Variants in DOCK4 observed in about 807,000 individuals in gnomAD.
The protein encoded by DOCK4 is dedicator of cytokinesis 4.
DOCK4 carries 97 observed loss-of-function variants against 268.1 expected under a neutral mutation model. The ratio of observed to expected loss-of-function variants is 0.36; its 90% CI spans 0.31 to 0.43. The LOEUF (loss-of-function observed/expected upper bound fraction) is 0.43. Among genes scored for constraint, DOCK4 ranks in the 20% least tolerant of loss-of-function variants. The pLI is 1.00. For missense variants in DOCK4, 2,145 were observed against 2,455.7 expected (o/e 0.87, Z 2.67); for synonymous variants, 954 against 887.2 (o/e 1.08, Z -1.34).
At chr7:112,001,417 C>T (rs867548364) in intron 2 of DOCK4, among the ~76,000 whole-genome samples, 8 of 152,214 alleles carry the variant, frequency 5.3e-5, no homozygotes, top group African/African-American at 1.7e-4. Flanking sequence ...TGCTACCCAC[C>T]CATTAGTTAT....
chr7:112,180,341 C>T (rs1184554345), intron 1 of DOCK4, among the ~76,000 whole-genome samples: 2 of 152,158 alleles, frequency 1.3e-5, no homozygotes, highest in African/African-American at 4.8e-5. Context: ...AAGCACAGTG[C>T]TCCTTTACAT....
chr7:111,954,896 G>A lies in DOCK4; in HGVS notation c.702-9098C>T, dbSNP rs544905142. On this transcript the variant is annotated intron_variant, in intron 8 of 52. Coordinates refer to ENST00000428084, the MANE Select transcript of DOCK4 (RefSeq NM_001363540.2). ...CCTGATTGTGTACAATATTCTCCTGGTGAGCTGTATAAAGCCCAGGCCCCA... is the reference window on the plus strand; with the variant it reads ...CCTGATTGTGTACAATATTCTCCTGATGAGCTGTATAAAGCCCAGGCCCCA... 4.7e-5 allele frequency among the ~76,000 whole-genome samples: 7 copies of A among 149,908 alleles called. No homozygotes were observed. The East Asian group carries it at 9.7e-4, about 21-fold the overall frequency.
Position 112,143,827 on chromosome 7 carries a change from C to G in DOCK4, c.37+62275G>C, listed in dbSNP as rs536892717. Among the ~76,000 whole-genome samples the G allele has an allele frequency of 3.9e-5, 6 of 152,362 alleles. 1 individual carries two copies. The South Asian group carries it at 1.2e-3, about 32-fold the overall frequency. ...TCTGAACCACATCATTCATCTCCTC[C>G]TCTTTCCCTTTAGACTTACACATTC... On this transcript the variant is annotated intron_variant, in intron 1 of 52. Transcript: ENST00000428084.
At chr7:111,964,190 A>G (rs1221120935) in intron 8 of DOCK4, among the ~76,000 whole-genome samples, 6 of 139,124 alleles carry the variant, frequency 4.3e-5, no homozygotes, top group African/African-American at 1.2e-4. Context: ...CACCAGCAAC[A>G]GAACAAAGCT....
chr7:111,862,788 G>A (rs751811070), intron 23 of DOCK4: 1 of 152,942 alleles, frequency 6.5e-6, no homozygotes, highest in Non-Finnish European at 1.5e-5. Flanking sequence ...CACCGTGCCT[G>A]TCAGGGAAAA....
rs1797862379 is a variant in DOCK4 at position 111,973,156 on chromosome 7, C to CATATATATATATGT, written c.701+3975_701+3976insACATATATATATAT. Among the ~76,000 whole-genome samples the CATATATATATATGT allele has an allele frequency of 3.5e-5, 4 of 114,050 alleles. No individual in the cohort carries two copies. In the Admixed American group the frequency reaches 3.6e-4, roughly 10 times the overall value. The allele number at this position is 114,050 out of a possible 152,430, so 74.8% of individuals were successfully genotyped here. On this transcript the variant is annotated intron_variant, in intron 8 of 52. Coordinates refer to ENST00000428084, the MANE Select transcript of DOCK4 (RefSeq NM_001363540.2). ...TATATGGCTGACTAGTATTCCATGG[C>CATATATATATATGT]ATATATATATATATATATATATATA... is the stretch of plus-strand genomic sequence containing the variant.
rs553958678 is a variant in DOCK4 at position 112,075,186 on chromosome 7, T to C, written c.38-71055A>G. Among the ~76,000 whole-genome samples the C allele has an allele frequency of 3.9e-5, 6 of 152,284 alleles. No homozygotes were observed. The South Asian group carries it at 1.0e-3, about 26-fold the overall frequency. On this transcript the variant is annotated intron_variant, in intron 1 of 52. Coordinates refer to ENST00000428084, the MANE Select transcript of DOCK4 (RefSeq NM_001363540.2). ...TCAGGGAAAGACACTGAAGACCTAATAGTTGAGCCAGGCACTTAAAAGAAG... is the reference window on the plus strand; with the variant it reads ...TCAGGGAAAGACACTGAAGACCTAACAGTTGAGCCAGGCACTTAAAAGAAG...
intron 44 of DOCK4, among the ~76,000 whole-genome samples, chr7:111,743,288 GTTA>G (rs892394620): frequency 2.6e-5 from 4 of 152,316 alleles, no homozygotes; most frequent in East Asian, 1.9e-4. Context: ...AGGTTTTGTT[GTTA>G]TTGTTGCTAT....
intron 30 of DOCK4, among the ~76,000 whole-genome samples, chr7:111,797,632 C>T (rs1443693930): frequency 6.6e-6 from 1 of 152,162 alleles, no homozygotes; most frequent in Non-Finnish European, 1.5e-5. Context: ...GGAAGCAGTT[C>T]CAGTAAACAA....
chr7:111,735,205 G>C, intron 50 of DOCK4, 38 bp from the exon 51 acceptor site: 4 of 1,377,722 alleles, frequency 2.9e-6, no homozygotes, highest in Non-Finnish European at 3.9e-6. Flanking sequence ...ACACGGTCCA[G>C]CTTTGCCCTT....
At chr7:111,770,005 A>T (rs145400681) in intron 36 of DOCK4, among the ~76,000 whole-genome samples, 8 of 152,186 alleles carry the variant, frequency 5.3e-5, no homozygotes, top group African/African-American at 1.7e-4. Flanking sequence ...TTGCTGGTTC[A>T]AAGATGTGGG....
intron 1 of DOCK4, among the ~76,000 whole-genome samples, chr7:112,112,142 G>T (rs1043794123): frequency 6.6e-6 from 1 of 152,184 alleles, no homozygotes; most frequent in African/African-American, 2.4e-5. Context: ...CAATGTTGGA[G>T]GTGGGCTTAG....
At chr7:112,031,829 T>C (rs1393691666) in intron 1 of DOCK4, among the ~76,000 whole-genome samples, 3 of 152,068 alleles carry the variant, frequency 2.0e-5, no homozygotes, top group African/African-American at 4.8e-5. Context: ...TACAGTGAGG[T>C]GAACATGTCA....
intron 16 of DOCK4, among the ~76,000 whole-genome samples, chr7:111,883,051 T>C (rs943200252): frequency 6.6e-6 from 1 of 152,216 alleles, no homozygotes; most frequent in Non-Finnish European, 1.5e-5. Flanking sequence ...TATACTTCTC[T>C]TTTAATATTA....
intron 12 of DOCK4, among the ~76,000 whole-genome samples, chr7:111,926,235 T>C (rs1259695602): frequency 1.4e-5 from 2 of 142,626 alleles, no homozygotes; most frequent in Non-Finnish European, 3.0e-5. Flanking sequence ...CTGGCCAACA[T>C]GGTAAAACCC....
intron 1 of DOCK4, among the ~76,000 whole-genome samples, chr7:112,108,195 C>A (rs1034608735): frequency 6.6e-6 from 1 of 152,102 alleles, no homozygotes; most frequent in African/African-American, 2.4e-5. Context: ...TATTTCCCTG[C>A]AAGCTATCCT....
intron 1 of DOCK4, among the ~76,000 whole-genome samples, chr7:112,048,266 G>A (rs1051389380): frequency 4.6e-5 from 7 of 151,582 alleles, no homozygotes; most frequent in Admixed American, 1.3e-4. Context: ...ATATAAAAGA[G>A]AAAGGCTGGA....
At position 111,822,378 on chromosome 7, in the gene DOCK4, G is replaced by A. The variant is rs1187348274; in HGVS notation, c.2914C>T (p.Arg972Cys). The A allele has an allele frequency of 5.0e-6, 8 of 1,612,682 alleles. No homozygotes were observed. Among genetic ancestry groups the A allele is most frequent in the African/African-American group, 1.3e-5 (1 of 74,854 alleles). The change falls in exon 27 of 53, where the codon CGC becomes TGC. Residue 972 changes from arginine to cysteine, a missense_variant. Coordinates refer to ENST00000428084, the MANE Select transcript of DOCK4 (RefSeq NM_001363540.2). ...EMFPKDWTVM[R>C]LVANNVIITT... ...ATGTCTTACTTGTTAGCAACCAAGC[G>A]CATAACAGTCCAGTCCTTTGGAAAC...
chr7:111,745,212 G>C (rs560229905), intron 44 of DOCK4, among the ~76,000 whole-genome samples: 2 of 152,134 alleles, frequency 1.3e-5, no homozygotes, highest in African/African-American at 4.8e-5. Context: ...ATGATGAGTT[G>C]TATGTAGTTT....
Sources: gnomAD v4.1 joint callset for allele counts (sites outside exome capture counted in the v4.1 genomes callset) on GRCh38, gnomAD v4.1.1 for gene constraint, MANE v1.5 for transcripts, NCBI Gene and HGNC (gene_info 2026-07-23, HGNC 2026-07-21) for gene names.